The following LPP variants were observed in gnomAD, a reference collection of about 807,000 sequenced individuals.
The protein encoded by LPP is LIM domain containing preferred translocation partner in lipoma, also known as lipoma-preferred partner.
In LPP, 38 loss-of-function variants were observed where a neutral mutation model predicts 60.4. The observed-to-expected ratio is 0.63, with a 90% CI of 0.49 to 0.83. LPP has a LOEUF of 0.83. Ranked by LOEUF, LPP falls within the 40% of genes least tolerant of loss-of-function variation. The pLI is 0.00. For missense variants in LPP, 902 were observed against 783.6 expected, an observed-to-expected ratio of 1.15 and a Z score of -1.80; for synonymous variants, 328 against 290.8, an observed-to-expected ratio of 1.13 and a Z score of -1.30.
intron 3 of LPP, among the ~76,000 whole-genome samples, chr3:188,389,941 C>G (rs1334233119): frequency 1.3e-5 from 2 of 152,150 alleles, no homozygotes; most frequent in East Asian, 3.9e-4. Flanking sequence ...TTCTGTTCAT[C>G]CAGGTGAGCA....
chr3:188,490,997 G>A (rs183149144), intron 5 of LPP, among the ~76,000 whole-genome samples: 12 of 152,008 alleles, frequency 7.9e-5, no homozygotes, highest in Admixed American at 5.2e-4. Flanking sequence ...TCCTGACCTC[G>A]TGATCCGCCT....
chr3:188,549,256 G>C (rs1383831142), intron 6 of LPP, among the ~76,000 whole-genome samples: 1 of 151,948 alleles, frequency 6.6e-6, no homozygotes, highest in Non-Finnish European at 1.5e-5. Flanking sequence ...TTTTGGCCTG[G>C]AAAATATTAA....
chr3:188,657,258 G>GTATATATATATATATATATATATATATA lies in LPP; in HGVS notation c.1113+47437_1113+47438insATATATATATATATATATATATATATAT, dbSNP rs148151207. Among the ~76,000 whole-genome samples, 87 of 89,810 alleles carry GTATATATATATATATATATATATATATA rather than the reference G, an allele frequency of 9.7e-4. 2 individuals carry two copies. Among genetic ancestry groups the GTATATATATATATATATATATATATATA allele is most frequent in the Non-Finnish European group, 1.1e-3 (53 of 46,808 alleles). The allele number at this position is 89,810 out of a possible 152,430, so 58.9% of individuals were successfully genotyped here. On this transcript the variant is annotated intron_variant, in intron 7 of 11. Coordinates refer to ENST00000617246, the MANE Select transcript of LPP (RefSeq NM_001375462.1). ...ATAAGTTTTCAAGAGCTGTCAAGGTGTATATATATATATATATATATATTT... is the reference window on the plus strand; with the variant it reads ...ATAAGTTTTCAAGAGCTGTCAAGGTGTATATATATATATATATATATATATATATATATATATATATATATATATATTT...
Position 188,282,337 on chromosome 3 carries a change from C to T in LPP, c.-67+56810C>T, listed in dbSNP as rs148860643. ...GTCCACTGTTGCTTTGTATTTAATA[C>T]TGGAGGTTGTGATAACATTGTCCAG... On this transcript the variant is annotated intron_variant, in intron 2 of 11. Transcript: ENST00000617246. Among the ~76,000 whole-genome samples, 20 of 152,230 alleles carry T rather than the reference C, an allele frequency of 1.3e-4. 1 individual carries two copies. The highest frequency in any genetic ancestry group is 1.2e-3 in the Admixed American group (18 of 15,274).
At chr3:188,814,458 G>A (rs1417994815) in intron 9 of LPP, among the ~76,000 whole-genome samples, 2 of 152,094 alleles carry the variant, frequency 1.3e-5, no homozygotes, top group East Asian at 1.9e-4. Context: ...TTCTCATAAG[G>A]AAATGGCCCT....
At chr3:188,417,361 A>C (rs1786581645) in intron 4 of LPP, among the ~76,000 whole-genome samples, 1 of 152,010 alleles carries the variant, frequency 6.6e-6, no homozygotes, top group South Asian at 2.1e-4. Context: ...GACACATCTG[A>C]TCTGAGTGTT....
chr3:188,819,111 AT>A (rs1753270352), intron 9 of LPP, among the ~76,000 whole-genome samples: 1 of 149,948 alleles, frequency 6.7e-6, no homozygotes, highest in African/African-American at 2.5e-5. Flanking sequence ...GTATGACAGT[AT>A]TTGATTAGTC....
intron 2 of LPP, among the ~76,000 whole-genome samples, chr3:188,246,361 C>T (rs1331499254): frequency 2.0e-5 from 3 of 152,110 alleles, no homozygotes; most frequent in Non-Finnish European, 4.4e-5. Flanking sequence ...GAAGCAGATA[C>T]CCTGCAATTT....
intron 9 of LPP, among the ~76,000 whole-genome samples, chr3:188,773,807 A>T (rs1736849824): frequency 6.6e-6 from 1 of 152,070 alleles, no homozygotes; most frequent in African/African-American, 2.4e-5. Context: ...GAACGCGCTA[A>T]ATGTGTTGGG....
intron 9 of LPP, among the ~76,000 whole-genome samples, chr3:188,767,007 T>C (rs1734368065): frequency 6.6e-6 from 1 of 152,184 alleles, no homozygotes; most frequent in African/African-American, 2.4e-5. Flanking sequence ...ATACAGTCCG[T>C]TTTAAATATT....
intron 6 of LPP, among the ~76,000 whole-genome samples, chr3:188,600,758 T>C (rs1840988031): frequency 6.6e-6 from 1 of 152,150 alleles, no homozygotes; most frequent in South Asian, 2.1e-4. Context: ...TCTAGCTTTA[T>C]AAATTTGACT....
At chr3:188,778,865 C>T (rs189782372) in intron 9 of LPP, among the ~76,000 whole-genome samples, 1 of 152,188 alleles carries the variant, frequency 6.6e-6, no homozygotes, top group Non-Finnish European at 1.5e-5. Context: ...GACACAACAG[C>T]TCTAGTTTAT....
At chr3:188,283,592 A>G (rs4527365) in intron 2 of LPP, among the ~76,000 whole-genome samples, 101,793 of 152,004 alleles carry the variant, frequency 0.67, 34,652 homozygotes, top group African/African-American at 0.77. Context: ...GCTCATTCAG[A>G]TAAGTATGCT....
intron 7 of LPP, among the ~76,000 whole-genome samples, chr3:188,694,819 G>A (rs912413843): frequency 1.2e-4 from 19 of 152,278 alleles, no homozygotes; most frequent in Admixed American, 7.8e-4. Flanking sequence ...ATCTTTGTGC[G>A]CAGAGAGACT....
intron 7 of LPP, among the ~76,000 whole-genome samples, chr3:188,636,412 T>C (rs968346437): frequency 8.5e-5 from 13 of 152,280 alleles, no homozygotes; most frequent in Non-Finnish European, 1.3e-4. Context: ...TCCTACCCCA[T>C]GGAGTCTCGC....
At chr3:188,739,984 T>A (rs1026901470) in intron 8 of LPP, among the ~76,000 whole-genome samples, 3 of 152,096 alleles carry the variant, frequency 2.0e-5, no homozygotes, top group African/African-American at 7.2e-5. Flanking sequence ...TGTCTTGAGT[T>A]TGTTGATACT....
intron 3 of LPP, among the ~76,000 whole-genome samples, chr3:188,342,477 T>C (rs1763308170): frequency 6.6e-6 from 1 of 152,230 alleles, no homozygotes; most frequent in Non-Finnish European, 1.5e-5. Context: ...CTGCTGAATC[T>C]GTACCTTCTA....
chr3:188,240,338 T>C (rs1723732298), intron 2 of LPP, among the ~76,000 whole-genome samples: 1 of 148,330 alleles, frequency 6.7e-6, no homozygotes, highest in Admixed American at 6.7e-5. Flanking sequence ...GAGTTTTGGG[T>C]AAGAGTGTGT....
intron 1 of LPP, among the ~76,000 whole-genome samples, chr3:188,171,120 T>C (rs1291477206): frequency 2.0e-5 from 3 of 152,238 alleles, no homozygotes; most frequent in African/African-American, 7.2e-5. Context: ...TATGAAACGT[T>C]AGGGTTACGC....
Sources: allele counts gnomAD v4.1 joint callset (sites outside exome capture counted in the v4.1 genomes callset), GRCh38; gene constraint gnomAD v4.1.1; transcripts MANE v1.5; gene names NCBI Gene and HGNC (gene_info 2026-07-23, HGNC 2026-07-21).